CPS1: variants seen among roughly 807,000 people sequenced by gnomAD.
The protein encoded by CPS1 is carbamoyl-phosphate synthase 1.
Under a neutral mutation model 174.6 loss-of-function variants are expected in CPS1, and 109 were observed. That is an observed-to-expected ratio of 0.62 (90% CI 0.53 to 0.73). The LOEUF (loss-of-function observed/expected upper bound fraction) is 0.73, where lower values mean the gene tolerates loss of function less well. Among genes scored for constraint, CPS1 ranks in the 30% least tolerant of loss-of-function variants. CPS1 has a pLI of 0.00. For synonymous variants in CPS1, 637 were observed against 632.0 expected, an observed-to-expected ratio of 1.01 and a Z score of -0.12; for missense variants, 1,689 against 1,821.9, an observed-to-expected ratio of 0.93 and a Z score of 1.33.
intron 19 of CPS1, among the ~76,000 whole-genome samples, chr2:210,610,921 T>C (rs1184365789): frequency 6.6e-6 from 1 of 151,900 alleles, no homozygotes; most frequent in East Asian, 1.9e-4. Flanking sequence ...GAGTTACTTA[T>C]AGAACTAATT....
intron 1 of CPS1, among the ~76,000 whole-genome samples, chr2:210,529,606 C>G (rs983965821): frequency 1.3e-5 from 2 of 151,872 alleles, no homozygotes; most frequent in African/African-American, 4.8e-5. Flanking sequence ...AAAAGAAGAA[C>G]AAGTCTGGAA....
chr2:210,647,503 A>G (rs1207328199), intron 25 of CPS1, among the ~76,000 whole-genome samples: 3 of 152,192 alleles, frequency 2.0e-5, no homozygotes, highest in Admixed American at 1.3e-4. Context: ...AGGGAGTGTT[A>G]AAAGAAGAAA....
rs746315217 is a variant in CPS1, at chr2:210,599,498, A to T, written c.1486A>T (p.Ile496Phe). 2 of 1,612,582 alleles carry T rather than the reference A, an allele frequency of 1.2e-6. No individual in the cohort carries two copies. Among genetic ancestry groups the T allele is most frequent in the South Asian group, 1.1e-5 (1 of 91,068 alleles). Residue 496 changes from isoleucine to phenylalanine, a missense_variant, in exon 14 of 38, where the codon ATC (isoleucine) becomes TTC (phenylalanine). Transcript: ENST00000233072. Reference sequence around the variant, plus strand: ...CACCCCTCAGTTTGTCACAGAGGTCATCAAGGCAGAACAGCCAGATGGGTT... The same window carrying T: ...CACCCCTCAGTTTGTCACAGAGGTCTTCAAGGCAGAACAGCCAGATGGGTT... Reference protein sequence around the residue: ...PITPQFVTEVIKAEQPDGLIL... With the variant: ...PITPQFVTEVFKAEQPDGLIL...
chr2:210,577,153 T>A, intron 3 of CPS1: 1 of 480,396 alleles, frequency 2.1e-6, no homozygotes, highest in Non-Finnish European at 3.8e-6. Flanking sequence ...AAATTCTTGA[T>A]AAATGCCATG....
intron 1 of CPS1, among the ~76,000 whole-genome samples, chr2:210,526,916 C>T (rs1032780435): frequency 1.3e-5 from 2 of 151,896 alleles, no homozygotes; most frequent in African/African-American, 4.8e-5. Flanking sequence ...TTATCTATGA[C>T]ATTTCTATTT....
At chr2:210,642,745 A>G (rs1700269329) in intron 25 of CPS1, 80 bp downstream of exon 25, 18 of 1,216,654 alleles carry the variant, frequency 1.5e-5, no homozygotes, top group Non-Finnish European at 2.0e-5. Context: ...GCATTCTGGT[A>G]TATAGATGTA....
intron 1 of CPS1, among the ~76,000 whole-genome samples, chr2:210,546,366 A>G (rs999050459): frequency 3.9e-5 from 6 of 152,276 alleles, no homozygotes; most frequent in Admixed American, 2.0e-4. Context: ...AAGCTTTAGA[A>G]AAATGAATAT....
intron 1 of CPS1, among the ~76,000 whole-genome samples, chr2:210,507,487 A>G (rs1336178682): frequency 6.6e-6 from 1 of 152,136 alleles, no homozygotes; most frequent in Non-Finnish European, 1.5e-5. Flanking sequence ...CAAAATAACC[A>G]GCTAACATCA....
chr2:210,554,106 C>T (rs1273307636), upstream of CPS1, among the ~76,000 whole-genome samples: 1 of 142,740 alleles, frequency 7.0e-6, no homozygotes, highest in African/African-American at 2.7e-5. Context: ...TGTATATACA[C>T]ATATATATAT....
chr2:210,496,786 C>G (rs1695002126), intron 1 of CPS1, among the ~76,000 whole-genome samples: 1 of 152,176 alleles, frequency 6.6e-6, no homozygotes, highest in African/African-American at 2.4e-5. Flanking sequence ...CCACAGATAG[C>G]TGCACGGCTC....
chr2:210,556,001 C>T (rs992846688), upstream of CPS1, among the ~76,000 whole-genome samples: 2 of 151,956 alleles, frequency 1.3e-5, no homozygotes, highest in Non-Finnish European at 2.9e-5. Context: ...GTCCACTTTG[C>T]TTTAGTTGTG....
At chr2:210,511,759 A>G (rs1695501239) in intron 1 of CPS1, among the ~76,000 whole-genome samples, 1 of 152,096 alleles carries the variant, frequency 6.6e-6, no homozygotes, top group African/African-American at 2.4e-5. Flanking sequence ...TTGAGGGTAA[A>G]TACAATTCCT....
chr2:210,590,918 T>C lies in CPS1; in HGVS notation c.947+12T>C. 1.2e-6 allele frequency: 2 copies of C among 1,605,698 alleles called. No homozygotes were observed. Among genetic ancestry groups the C allele is most frequent in the Admixed American group, 1.7e-5 (1 of 59,736 alleles). On this transcript the variant is annotated intron_variant, in intron 9 of 37. Coordinates refer to ENST00000233072, the MANE Select transcript of CPS1 (RefSeq NM_001875.5). The stretch of plus-strand genomic sequence containing the variant: ...TCCATGGCCAACAGGTGAGGTATTT[T>C]CACTTTTGCTTACAGTAAACCAGCT...
intron 21 of CPS1, among the ~76,000 whole-genome samples, chr2:210,620,936 A>C (rs1444872440): frequency 1.3e-5 from 2 of 152,110 alleles, no homozygotes; most frequent in Non-Finnish European, 2.9e-5. Flanking sequence ...GCCCCCTCAG[A>C]ACTCAGTATG....
chr2:210,521,372 C>A (rs1391894894), intron 1 of CPS1, among the ~76,000 whole-genome samples: 1 of 151,410 alleles, frequency 6.6e-6, no homozygotes, highest in African/African-American at 2.4e-5. Context: ...TGGTTTTGGG[C>A]AATTTTATTA....
chr2:210,592,327 C>G (rs1381285434), intron 10 of CPS1, among the ~76,000 whole-genome samples: 1 of 151,946 alleles, frequency 6.6e-6, no homozygotes, highest in Non-Finnish European at 1.5e-5. Context: ...TCCCATAGCC[C>G]TCTGTGTTTT....
intron 21 of CPS1, chr2:210,617,769 A>G (rs1699360100): frequency 6.6e-6 from 1 of 152,014 alleles, no homozygotes; most frequent in South Asian, 2.1e-4. Context: ...TAGGAATTGA[A>G]CCTATACATT....
In CPS1 at chr2:210,660,564, C is replaced by T. The variant is rs1173892595; in HGVS notation, c.3836C>T (p.Ala1279Val). 12 of 1,614,046 alleles carry T rather than the reference C, an allele frequency of 7.4e-6. No homozygotes were observed. Among genetic ancestry groups the T allele is most frequent in the Non-Finnish European group, 8.5e-6 (10 of 1,179,930 alleles). The change falls in exon 32 of 38, where the codon GCC (alanine) becomes GTC (valine). Residue 1279 changes from alanine (A) to valine (V), a missense_variant. Ala to Val is a moderately conservative substitution (Grantham distance 64). Coordinates refer to ENST00000233072, the MANE Select transcript of CPS1 (RefSeq NM_001875.5). ...KTLGVDFIDVATKVMIGENVD... is the reference protein window; with the variant it reads ...KTLGVDFIDVVTKVMIGENVD... The stretch of plus-strand genomic sequence containing the variant: ...CTTGGGGTTGACTTCATTGATGTGG[C>T]CACCAAGGTGATGATTGGAGAGAAT...
chr2:210,575,425 G>C (rs1325135863), intron 2 of CPS1, among the ~76,000 whole-genome samples: 1 of 151,756 alleles, frequency 6.6e-6, no homozygotes, highest in Non-Finnish European at 1.5e-5. Flanking sequence ...AAAAAGTGTA[G>C]ATAGCTCCTG....
Sources: allele counts gnomAD v4.1 joint callset (sites outside exome capture counted in the v4.1 genomes callset), GRCh38; gene constraint gnomAD v4.1.1; transcripts MANE v1.5; gene names NCBI Gene and HGNC (gene_info 2026-07-23, HGNC 2026-07-21).